Variants in CHD6 observed in about 807,000 individuals in gnomAD.
CHD6 encodes the protein ATP-dependent chromatin remodeler CHD6.
In CHD6, 50 loss-of-function variants were observed where a neutral mutation model predicts 276.9. The ratio of observed to expected loss-of-function variants is 0.18; its 90% confidence interval spans 0.14 to 0.23. The LOEUF is 0.23. Ranked by LOEUF, CHD6 falls within the 10% of genes least tolerant of loss-of-function variation. The pLI is 1.00. For missense variants in CHD6, 2,564 were observed against 3,365.8 expected (o/e 0.76, Z 5.89); for synonymous variants, 1,173 against 1,229.3 (o/e 0.95, Z 0.96).
At chr20:41,469,839 A>G (rs1449327437) in intron 17 of CHD6, among the ~76,000 whole-genome samples, 1 of 152,236 alleles carries the variant, frequency 6.6e-6, no homozygotes, top group Non-Finnish European at 1.5e-5. Flanking sequence ...AAACAGTAAT[A>G]TTGCTAAGAT....
chr20:41,584,949 T>A (rs1037946214), intron 1 of CHD6, among the ~76,000 whole-genome samples: 3 of 151,288 alleles, frequency 2.0e-5, no homozygotes, highest in Non-Finnish European at 4.4e-5. Context: ...TGAACGAAAA[T>A]CAATGAAATT....
intron 1 of CHD6, among the ~76,000 whole-genome samples, chr20:41,593,271 A>G (rs2045683272): frequency 6.6e-6 from 1 of 151,942 alleles, no homozygotes; most frequent in Non-Finnish European, 1.5e-5. Flanking sequence ...TCAGAGTTAT[A>G]AAAGTTATGA....
At chr20:41,502,234 G>A (rs1018729490) in intron 5 of CHD6, among the ~76,000 whole-genome samples, 39 of 151,936 alleles carry the variant, frequency 2.6e-4, no homozygotes, top group Admixed American at 2.6e-4. Flanking sequence ...AAATTTTCTA[G>A]TAGCCACATT....
At chr20:41,578,692 CAA>C (rs11471711) in intron 1 of CHD6, among the ~76,000 whole-genome samples, 9 of 104,840 alleles carry the variant, frequency 8.6e-5, no homozygotes, top group Admixed American at 2.0e-4. Flanking sequence ...GACTCCGTCT[CAA>C]AAAAAAAAAA....
chr20:41,540,683 T>C (rs963942965), intron 2 of CHD6, among the ~76,000 whole-genome samples: 1 of 152,168 alleles, frequency 6.6e-6, no homozygotes, highest in South Asian at 2.1e-4. Flanking sequence ...ACCCAAGTAG[T>C]GAGCAAGGCC....
At chr20:41,439,919 A>G in intron 26 of CHD6, 81 bp downstream of exon 26, 2 of 1,427,920 alleles carry the variant, frequency 1.4e-6, no homozygotes, top group Non-Finnish European at 2.0e-6. Flanking sequence ...GAAGAGATAA[A>G]GAGTGCTGGG....
At chr20:41,435,917 A>C (rs1418733526) in intron 27 of CHD6, among the ~76,000 whole-genome samples, 1 of 152,194 alleles carries the variant, frequency 6.6e-6, no homozygotes, top group African/African-American at 2.4e-5. Context: ...AGACAAATAG[A>C]TATATGGAAA....
At chr20:41,411,300 A>G (rs1003867054) in intron 36 of CHD6, among the ~76,000 whole-genome samples, 3 of 151,886 alleles carry the variant, frequency 2.0e-5, no homozygotes, top group African/African-American at 7.3e-5. Flanking sequence ...GGTCTTTTGG[A>G]GCTATAAAAA....
chr20:41,432,703 C>T (rs2047583107), intron 27 of CHD6, among the ~76,000 whole-genome samples: 1 of 151,878 alleles, frequency 6.6e-6, no homozygotes, highest in Non-Finnish European at 1.5e-5. Flanking sequence ...TAAAAGATCA[C>T]ATACCAAGAA....
intron 36 of CHD6, among the ~76,000 whole-genome samples, chr20:41,410,196 G>C (rs6129832): frequency 6.6e-6 from 1 of 152,092 alleles, no homozygotes. Context: ...TGTGCCCCAA[G>C]GTGATGGTAA....
chr20:41,431,217 T>A (rs1021776203), intron 27 of CHD6, among the ~76,000 whole-genome samples: 5 of 152,196 alleles, frequency 3.3e-5, no homozygotes, highest in Non-Finnish European at 7.4e-5. Flanking sequence ...TTTGCTTCAA[T>A]CCACTGCTTC....
intron 1 of CHD6, among the ~76,000 whole-genome samples, chr20:41,580,028 T>C (rs1286539870): frequency 1.3e-5 from 2 of 152,204 alleles, no homozygotes; most frequent in African/African-American, 4.8e-5. Flanking sequence ...TTGGTATCAG[T>C]GTAGTTAAAA....
chr20:41,427,878 C>G (rs1569067584), intron 27 of CHD6, among the ~76,000 whole-genome samples: 1 of 152,190 alleles, frequency 6.6e-6, no homozygotes, highest in Non-Finnish European at 1.5e-5. Flanking sequence ...TAAATATCCC[C>G]ACAGTATCTG....
At chr20:41,524,764 C>T (rs897696293) in intron 3 of CHD6, among the ~76,000 whole-genome samples, 4 of 152,116 alleles carry the variant, frequency 2.6e-5, no homozygotes, top group Non-Finnish European at 4.4e-5. Flanking sequence ...TCAGTATTTT[C>T]GTTGAACTCT....
At chr20:41,411,279 C>T (rs1479975090) in intron 36 of CHD6, among the ~76,000 whole-genome samples, 2 of 151,888 alleles carry the variant, frequency 1.3e-5, no homozygotes, top group African/African-American at 4.8e-5. Context: ...GAGGAAATGA[C>T]TAGGGTGGGC....
At chr20:41,455,698 G>C in intron 19 of CHD6, 102 bp downstream of exon 19, 1 of 750,726 alleles carries the variant, frequency 1.3e-6, no homozygotes, top group Non-Finnish European at 2.1e-6. Flanking sequence ...CAATTTCTAG[G>C]ATTTGCATTC....
intron 1 of CHD6, among the ~76,000 whole-genome samples, chr20:41,599,224 T>C (rs1040357039): frequency 6.6e-6 from 1 of 152,112 alleles, no homozygotes; most frequent in African/African-American, 2.4e-5. Flanking sequence ...GCCCTGGACA[T>C]GATATTAGCC....
chr20:41,507,317 A>T (rs574621187), intron 5 of CHD6, among the ~76,000 whole-genome samples: 25 of 152,206 alleles, frequency 1.6e-4, no homozygotes, highest in Non-Finnish European at 3.2e-4. Flanking sequence ...TACTAAAAGA[A>T]GTCAGGGTTT....
In CHD6 at chr20:41,434,948, T is replaced by C. The variant is rs184472267; in HGVS notation, c.4068+2326A>G. ...TCTTTCCAAGTGCCCATGGAACATA[T>C]ACCAAGATATACCATACACTGGGCC... is the stretch of plus-strand genomic sequence containing the variant. On this transcript the variant is annotated intron_variant, in intron 27 of 36. Coordinates refer to ENST00000373233, the MANE Select transcript of CHD6 (RefSeq NM_032221.5). Among the ~76,000 whole-genome samples the C allele has an allele frequency of 1.8e-3, 272 of 152,274 alleles. 1 individual carries two copies. The highest frequency in any genetic ancestry group is 7.2e-4 in the Non-Finnish European group (49 of 68,016).
Sources: gnomAD v4.1 joint callset for allele counts (sites outside exome capture counted in the v4.1 genomes callset) on GRCh38, gnomAD v4.1.1 for gene constraint, MANE v1.5 for transcripts, NCBI Gene and HGNC (gene_info 2026-07-23, HGNC 2026-07-21) for gene names.